The following GPR33 variants were observed in gnomAD, a reference collection of about 807,000 sequenced individuals.
The protein encoded by GPR33 is G protein-coupled receptor 33, also known as probable G protein-coupled receptor 33.
Under a neutral mutation model 3.1 loss-of-function variants are expected in GPR33, and 4 were observed. The ratio of observed to expected loss-of-function variants is 1.29; its 90% confidence interval spans 0.64 to 2.96. The LOEUF (loss-of-function observed/expected upper bound fraction) is 2.96, where lower values mean the gene tolerates loss of function less well. GPR33 is among the 30% of genes most tolerant of loss of function. The pLI, the probability that GPR33 is intolerant of heterozygous loss-of-function variation, is 0.01. For synonymous variants in GPR33, 138 were observed against 142.0 expected, an observed-to-expected ratio of 0.97 and a Z score of 0.20; for missense variants, 390 against 388.9, an observed-to-expected ratio of 1.00 and a Z score of -0.02.
intron 1 of GPR33, among the ~76,000 whole-genome samples, chr14:31,484,428 A>C (rs1036977900): frequency 6.6e-6 from 1 of 152,040 alleles, no homozygotes; most frequent in African/African-American, 2.4e-5. Flanking sequence ...CTACAGGTGC[A>C]CACTACCAGG....
At chr14:31,484,314 C>T (rs542643071) in intron 1 of GPR33, among the ~76,000 whole-genome samples, 2 of 152,080 alleles carry the variant, frequency 1.3e-5, no homozygotes, top group African/African-American at 2.4e-5. Flanking sequence ...TAGGATCTCA[C>T]TCTGTCACCC....
At chr14:31,483,999 C>A in intron 1 of GPR33, 28 bp from the exon 2 acceptor site, 1 of 1,448,326 alleles carries the variant, frequency 6.9e-7, no homozygotes, top group South Asian at 1.4e-5. Flanking sequence ...GTGAAAATAA[C>A]AACAAGAAAA....
At position 31,487,432 on chromosome 14, in the gene GPR33, G is replaced by GTTTTTTT. The variant is rs752227440; in HGVS notation, c.-7+458_-7+464dup. Among the ~76,000 whole-genome samples, 41 of 70,392 alleles carry GTTTTTTT rather than the reference G, an allele frequency of 5.8e-4. 4 individuals carry two copies. The highest frequency in any genetic ancestry group is 7.9e-4 in the Non-Finnish European group (31 of 39,396). 46.2% of individuals were successfully genotyped at this position (70,392 alleles called of 152,430 possible). The stretch of plus-strand genomic sequence containing the variant: ...ACTTTTTCTCCTGCTAAGCCCCTCA[G>GTTTTTTT]TTTTTTTTTTTTTTTTTTTTTTTTT... On this transcript the variant is annotated intron_variant, in intron 1 of 1. Coordinates refer to ENST00000399285, the MANE Select transcript of GPR33 (RefSeq NM_001197184.3).
chr14:31,486,401 A>G (rs2032419622), intron 1 of GPR33, among the ~76,000 whole-genome samples: 1 of 152,192 alleles, frequency 6.6e-6, no homozygotes, highest in African/African-American at 2.4e-5. Flanking sequence ...GCCCAGCCAT[A>G]ATTGCTATTC....
At chr14:31,487,463 G>A (rs1274592709) in intron 1 of GPR33, among the ~76,000 whole-genome samples, 1 of 78,708 alleles carries the variant, frequency 1.3e-5, no homozygotes, top group African/African-American at 4.9e-5. Context: ...TTTTTCAGAT[G>A]GAGTCTTGCT....
At chr14:31,484,064 T>A in intron 1 of GPR33, 93 bp from the exon 2 acceptor site, 1 of 977,422 alleles carries the variant, frequency 1.0e-6, no homozygotes, top group Non-Finnish European at 1.5e-6. Context: ...TACATAGTGA[T>A]ACTTCTAGTC....
Position 31,483,170 on chromosome 14 carries a change from C to T in GPR33, c.796G>A (p.Gly266Ser). ...GACTGGTTCGTAGTGAGAAGTAAGC[C>T]CTGGTGTATATGGTAGGGCATCCAA... ...VCWMPYHIHQ[G>S]LLLTTNQSLL... The change falls in exon 2 of 2, where the codon GGC becomes AGC. Residue 266 changes from glycine (G) to serine (S), a missense_variant. Transcript: ENST00000399285. 2.0e-6 allele frequency: 3 copies of T among 1,535,964 alleles called. No homozygotes were observed. The highest frequency in any genetic ancestry group is 2.6e-6 in the Non-Finnish European group (3 of 1,146,862).
chr14:31,485,696 A>G (rs1196376165), intron 1 of GPR33, among the ~76,000 whole-genome samples: 1 of 152,036 alleles, frequency 6.6e-6, no homozygotes, highest in Admixed American at 6.6e-5. Context: ...AAATCTTTGA[A>G]CAGAGGGGAA....
intron 1 of GPR33, 138 bp downstream of exon 1, chr14:31,487,759 C>T (rs573431631): frequency 1.8e-3 from 269 of 152,764 alleles, no homozygotes; most frequent in Admixed American, 3.9e-3. Flanking sequence ...TCAGGAAGAC[C>T]CCACCTCCAC....
Position 31,483,913 on chromosome 14 carries a change from C to G in GPR33, c.53G>C (p.Arg18Thr). The part of the protein sequence containing the change: ...DYLINASTLV[R>T]NSTQFLAPAS... ...AGGAGCTAGAAACTGAGTGCTGTTT[C>G]TTACTAAAGTAGAGGCATTGATCAG... The change falls in exon 2 of 2, where the codon AGA becomes ACA. Residue 18 changes from arginine to threonine, a missense_variant. Arg to Thr is a moderately conservative substitution (Grantham distance 71). Transcript: ENST00000399285. The G allele has an allele frequency of 6.5e-7, 1 of 1,535,866 alleles. No homozygotes were observed. The highest frequency in any genetic ancestry group is 8.7e-7 in the Non-Finnish European group (1 of 1,146,838).
chr14:31,485,367 G>A (rs1047288225), intron 1 of GPR33, among the ~76,000 whole-genome samples: 5 of 151,852 alleles, frequency 3.3e-5, no homozygotes, highest in African/African-American at 1.2e-4. Context: ...CGGGCGCGGT[G>A]GCTCATGCCT....
intron 1 of GPR33, among the ~76,000 whole-genome samples, chr14:31,486,877 G>A (rs1007471613): frequency 7.2e-5 from 11 of 152,092 alleles, no homozygotes; most frequent in African/African-American, 2.7e-4. Context: ...AAGTCTCTGT[G>A]GTGTTTTTAT....
At position 31,484,890 on chromosome 14, in the gene GPR33, A is replaced by G. The variant is rs146053159; in HGVS notation, c.-6-919T>C. 5.0e-3 allele frequency among the ~76,000 whole-genome samples: 760 copies of G among 152,172 alleles called. 1 individual carries two copies. The highest frequency in any genetic ancestry group is 8.3e-3 in the Non-Finnish European group (563 of 67,994). On this transcript the variant is annotated intron_variant, in intron 1 of 1. Coordinates refer to ENST00000399285, the MANE Select transcript of GPR33 (RefSeq NM_001197184.3). ...GTAAGCCACTGCAAGATTGTGAAGT[A>G]CCTTCAGAATCATCAACAAAAGAGG... is the stretch of plus-strand genomic sequence containing the variant.
At chr14:31,484,984 G>A (rs1234560733) in intron 1 of GPR33, among the ~76,000 whole-genome samples, 2 of 151,602 alleles carry the variant, frequency 1.3e-5, no homozygotes, top group Non-Finnish European at 2.9e-5. Context: ...CACGCAGGCT[G>A]GAGTGCAGTA....
chr14:31,484,542 C>T (rs988281268), intron 1 of GPR33, among the ~76,000 whole-genome samples: 2 of 152,094 alleles, frequency 1.3e-5, no homozygotes, highest in African/African-American at 4.8e-5. Context: ...CGCTTGGCCT[C>T]GCAAAGTGTT....
chr14:31,483,141 T>C lies in GPR33; in HGVS notation c.825A>G (p.Leu275=), dbSNP rs1566803714. ...QGLLLTTNQS[L]LLELTLILTV... is the part of the protein sequence containing the mutation. ...TAAGTATCAAAGTCAACTCTAAAAG[T>C]AGTGACTGGTTCGTAGTGAGAAGTA... Residue 275 remains leucine (L), a synonymous_variant, in exon 2 of 2, where the codon CTA becomes CTG. Coordinates refer to ENST00000399285, the MANE Select transcript of GPR33 (RefSeq NM_001197184.3). 2.0e-6 allele frequency: 3 copies of C among 1,535,882 alleles called. No homozygotes were observed. The African/African-American group carries it at 4.1e-5, about 21-fold the overall frequency.
chr14:31,485,849 A>G (rs1417834681), intron 1 of GPR33, among the ~76,000 whole-genome samples: 1 of 152,110 alleles, frequency 6.6e-6, no homozygotes, highest in African/African-American at 2.4e-5. Context: ...AATAATGCTC[A>G]GATGATTTAG....
At chr14:31,486,906 G>A (rs1360594655) in intron 1 of GPR33, among the ~76,000 whole-genome samples, 1 of 152,018 alleles carries the variant, frequency 6.6e-6, no homozygotes, top group African/African-American at 2.4e-5. Flanking sequence ...TATGTGTAGA[G>A]GTGTGTCTGT....
intron 1 of GPR33, among the ~76,000 whole-genome samples, chr14:31,485,796 A>C (rs1224916162): frequency 6.6e-6 from 1 of 152,110 alleles, no homozygotes; most frequent in Non-Finnish European, 1.5e-5. Context: ...CTACTGTTTT[A>C]TATTACTTCT....
Sources: allele counts gnomAD v4.1 joint callset (sites outside exome capture counted in the v4.1 genomes callset), GRCh38; gene constraint gnomAD v4.1.1; transcripts MANE v1.5; gene names NCBI Gene and HGNC (gene_info 2026-07-23, HGNC 2026-07-21).